ARFGEF1: variants seen among roughly 807,000 people sequenced by gnomAD.
ARFGEF1 encodes ARF guanine nucleotide exchange factor 1.
A neutral mutation model predicts 231.0 loss-of-function variants in ARFGEF1; 42 were observed. That is an observed-to-expected ratio of 0.18 (90% CI 0.14 to 0.24). The LOEUF (loss-of-function observed/expected upper bound fraction) is 0.24, where lower values mean the gene tolerates loss of function less well. ARFGEF1 is among the 10% of genes least tolerant of loss of function. The probability of loss-of-function intolerance (pLI) is 1.00; values close to 1 mark genes in which losing one functional copy is unlikely to be tolerated. For missense variants in ARFGEF1, 1,345 were observed against 2,192.0 expected, an observed-to-expected ratio of 0.61 and a Z score of 7.72; for synonymous variants, 710 against 732.3, an observed-to-expected ratio of 0.97 and a Z score of 0.49.
chr8:67,278,298 T>C (rs1448577881), intron 7 of ARFGEF1, among the ~76,000 whole-genome samples: 1 of 152,196 alleles, frequency 6.6e-6, no homozygotes, highest in Non-Finnish European at 1.5e-5. Flanking sequence ...GGTAAATTAT[T>C]TCATATTTCT....
chr8:67,224,840 A>C, intron 29 of ARFGEF1, 63 bp downstream of exon 29: 1 of 1,195,776 alleles, frequency 8.4e-7, no homozygotes, highest in Non-Finnish European at 1.1e-6. Flanking sequence ...GTTTATAAAG[A>C]AGAGTTAATT....
At position 67,238,866 on chromosome 8, in the gene ARFGEF1, G is replaced by C; in HGVS notation, c.3007C>G (p.Leu1003Val). The C allele has an allele frequency of 6.2e-7, 1 of 1,613,622 alleles. No homozygotes were observed. Reference protein sequence around the residue: ...QLERDAYVQALARFTLLTVSS... With the variant: ...QLERDAYVQAVARFTLLTVSS... ...ACTGTGAGTAAGGTAAATCTTGCTA[G>C]TGCCTGGACATATGCATCTCTCTCC... Residue 1003 changes from leucine to valine, a missense_variant, in exon 21 of 39, where the codon CTA becomes GTA. Leu to Val is a conservative substitution (Grantham distance 32). Coordinates refer to ENST00000262215, the MANE Select transcript of ARFGEF1 (RefSeq NM_006421.5).
chr8:67,277,504 G>C (rs369641912), intron 7 of ARFGEF1, 47 bp from the exon 8 acceptor site: 3 of 1,544,162 alleles, frequency 1.9e-6, no homozygotes, highest in Non-Finnish European at 1.8e-6. Flanking sequence ...TGACTTAACC[G>C]AAGTGTATTT....
rs1309858837 is a variant in ARFGEF1, at chr8:67,291,854, T to C, written c.909A>G (p.Ala303=). 5.6e-6 allele frequency: 9 copies of C among 1,612,488 alleles called. No homozygotes were observed. The highest frequency in any genetic ancestry group is 7.6e-6 in the Non-Finnish European group (9 of 1,178,934). The change falls in exon 6 of 39, where the codon GCA becomes GCG. Residue 303 remains alanine, a synonymous_variant. Transcript: ENST00000262215. ...NEQTEADQAT[A]AETLSKNEVL... The stretch of plus-strand genomic sequence containing the variant: ...CCTTTTCAAGAAGATTACTTTCAGC[T>C]GCAGTTGCCTGATCAGCTTCAGTCT...
intron 38 of ARFGEF1, chr8:67,199,704 C>A (rs1838253778): frequency 6.6e-6 from 1 of 152,224 alleles, no homozygotes; most frequent in Admixed American, 6.5e-5. Flanking sequence ...TGTGGAGTAA[C>A]AGAGGCTGGG....
intron 19 of ARFGEF1, among the ~76,000 whole-genome samples, chr8:67,244,266 A>AAAAAAAAAAAAAAAAACAAAAC (rs1563860748): frequency 2.9e-4 from 5 of 17,208 alleles, no homozygotes; most frequent in African/African-American, 1.5e-3. Flanking sequence ...AAAAAAAAAA[A>AAAAAAAAAAAAAAAAACAAAAC]AACATTCGAC....
intron 1 of ARFGEF1, among the ~76,000 whole-genome samples, chr8:67,325,486 A>C (rs999327047): frequency 2.6e-5 from 4 of 152,174 alleles, no homozygotes; most frequent in African/African-American, 9.7e-5. Context: ...AGGAGCCTCT[A>C]TCAGGCCTGT....
At chr8:67,288,141 A>G (rs1563891106) in intron 6 of ARFGEF1, 76 bp from the exon 7 acceptor site, 2 of 855,042 alleles carry the variant, frequency 2.3e-6, no homozygotes, top group Middle Eastern at 2.8e-4. Flanking sequence ...TATGATGAAA[A>G]AACTCCTAAA....
chr8:67,197,430 C>G (rs1453638141), downstream of ARFGEF1, among the ~76,000 whole-genome samples: 1 of 152,100 alleles, frequency 6.6e-6, no homozygotes, highest in Non-Finnish European at 1.5e-5. Context: ...GCCTGGACAA[C>G]AGAGTGAGAT....
At chr8:67,273,739 T>C (rs1159236209) in intron 9 of ARFGEF1, among the ~76,000 whole-genome samples, 1 of 151,898 alleles carries the variant, frequency 6.6e-6, no homozygotes, top group East Asian at 1.9e-4. Context: ...AAATAGATAA[T>C]TACCAAAAAA....
chr8:67,228,298 TAA>T (rs1839444371), intron 23 of ARFGEF1, 34 bp from the exon 24 acceptor site: 6 of 1,576,644 alleles, frequency 3.8e-6, no homozygotes, highest in Non-Finnish European at 5.2e-6. Context: ...AAAAAATTTA[TAA>T]GTTACTGTTC....
intron 1 of ARFGEF1, among the ~76,000 whole-genome samples, chr8:67,315,053 A>G (rs1050070831): frequency 6.6e-6 from 1 of 152,158 alleles, no homozygotes; most frequent in African/African-American, 2.4e-5. Flanking sequence ...CCACACACCT[A>G]TATGATATAG....
At chr8:67,324,081 G>A (rs1336659219) in intron 1 of ARFGEF1, among the ~76,000 whole-genome samples, 6 of 152,282 alleles carry the variant, frequency 3.9e-5, no homozygotes, top group Non-Finnish European at 5.9e-5. Context: ...GATTACAGGC[G>A]TGAGCCACCG....
At position 67,291,925 on chromosome 8, in the gene ARFGEF1, T is replaced by C. The variant is rs1370559410; in HGVS notation, c.838A>G (p.Thr280Ala). The C allele has an allele frequency of 1.2e-6, 2 of 1,614,002 alleles. No individual in the cohort carries two copies. The highest frequency in any genetic ancestry group is 1.7e-6 in the Non-Finnish European group (2 of 1,179,890). ...NDVDKSLQDD[T>A]EPENGSDISS... ...ATATCAGATCCATTTTCAGGCTCTG[T>C]GTCATCCTGAAGACTTTTATCTACA... The change falls in exon 6 of 39, where the codon ACA becomes GCA. Residue 280 changes from threonine (T) to alanine (A), a missense_variant. Physicochemically the swap from Thr to Ala is moderately conservative, Grantham distance 58 (BLOSUM62 0). Around this residue, in one of 14 missense-constraint regions of ARFGEF1, gnomAD observed 398 missense variants for 463.2 expected, o/e 0.86. Coordinates refer to ENST00000262215, the MANE Select transcript of ARFGEF1 (RefSeq NM_006421.5).
chr8:67,279,364 A>T (rs1276538451), intron 7 of ARFGEF1, among the ~76,000 whole-genome samples: 1 of 152,136 alleles, frequency 6.6e-6, no homozygotes, highest in Admixed American at 6.5e-5. Flanking sequence ...CCACAAAAAT[A>T]CATCTCTTCC....
intron 29 of ARFGEF1, among the ~76,000 whole-genome samples, chr8:67,222,971 G>A (rs763293067): frequency 3.9e-5 from 6 of 152,146 alleles, no homozygotes; most frequent in Non-Finnish European, 7.3e-5. Flanking sequence ...TGTACCCAAG[G>A]AGCAATAGGC....
intron 10 of ARFGEF1, 51 bp from the exon 11 acceptor site, chr8:67,267,493 TG>T (rs1200775042): frequency 8.2e-7 from 1 of 1,219,048 alleles, no homozygotes; most frequent in Non-Finnish European, 1.2e-6. Flanking sequence ...AATTCATATG[TG>T]TGATCACTTT....
chr8:67,222,162 TGCATATATATATATATAC>T (rs1563846144), intron 29 of ARFGEF1, among the ~76,000 whole-genome samples: 1 of 133,834 alleles, frequency 7.5e-6, no homozygotes, highest in African/African-American at 3.1e-5. Flanking sequence ...ACCTTTTCCA[TGCATATATATATATATAC>T]ACATATATAT....
chr8:67,227,914 A>G (rs35866571), intron 25 of ARFGEF1, 49 bp downstream of exon 25: 2 of 1,428,766 alleles, frequency 1.4e-6, no homozygotes, highest in East Asian at 2.4e-5. Flanking sequence ...GACATTCTAA[A>G]CAAAAAATAT....
Sources: gnomAD v4.1 joint callset for allele counts (sites outside exome capture counted in the v4.1 genomes callset) on GRCh38, gnomAD v4.1.1 for gene constraint, gnomAD v4.1.1 regional missense constraint, MANE v1.5 for transcripts, NCBI Gene and HGNC (gene_info 2026-07-23, HGNC 2026-07-21) for gene names.